ZNF782: variants seen among roughly 807,000 people sequenced by gnomAD.
ZNF782 encodes zinc finger protein 782.
ZNF782 carries 12 observed loss-of-function variants against 13.0 expected under a neutral mutation model. The observed-to-expected ratio is 0.92, with a 90% CI of 0.59 to 1.50. The LOEUF is 1.50. Ranked by LOEUF, ZNF782 falls within the 40% of genes most tolerant of loss-of-function variation. The pLI, the probability that ZNF782 is intolerant of heterozygous loss-of-function variation, is 0.00. For synonymous variants in ZNF782, 284 were observed against 283.0 expected (o/e 1.00, Z -0.04); for missense variants, 770 against 822.9 (o/e 0.94, Z 0.79).
At chr9:96,920,174 G>A in the ZNF782 span, among the ~76,000 whole-genome samples, 1 of 149,984 alleles carries the variant, frequency 6.7e-6, no homozygotes, top group East Asian at 2.3e-4. Flanking sequence ...ACTGGAAAGG[G>A]CACTTGGGGT....
At chr9:96,838,881 A>C (rs1343413488) in intron 4 of ZNF782, among the ~76,000 whole-genome samples, 1 of 151,704 alleles carries the variant, frequency 6.6e-6, no homozygotes, top group Non-Finnish European at 1.5e-5. Context: ...ACGCCTGGCT[A>C]ATTTTTGTAT....
In ZNF782 at chr9:96,850,049, C is replaced by T. The variant is rs190707428; in HGVS notation, c.15+1898G>A. On this transcript the variant is annotated intron_variant, in intron 3 of 5. Transcript: ENST00000481138. The surrounding 1 kb of genome is among the most constrained non-coding windows in gnomAD (Gnocchi z 4.3). ...ATGTGAAGAAAAGGGAATGCTTATACGCTGCTGGTAGGAATGTAAATTAGG... is the reference window on the plus strand; with the variant it reads ...ATGTGAAGAAAAGGGAATGCTTATATGCTGCTGGTAGGAATGTAAATTAGG... Among the ~76,000 whole-genome samples the T allele has an allele frequency of 3.7e-4, 56 of 152,254 alleles. No homozygotes were observed. Among genetic ancestry groups the T allele is most frequent in the African/African-American group, 1.1e-3 (45 of 41,558 alleles).
In ZNF782 at chr9:96,818,194, C is replaced by A. The variant is rs1850241488; in HGVS notation, c.1829G>T (p.Arg610Ile). ...RQKSNLRGHQRTHTGEKPYEC... is the reference protein window; with the variant it reads ...RQKSNLRGHQITHTGEKPYEC... Reference sequence around the variant, plus strand: ...ATAGGGCTTCTCCCCAGTGTGAGTTCTCTGATGCCCTCTGAGATTTGATTT... The same window carrying A: ...ATAGGGCTTCTCCCCAGTGTGAGTTATCTGATGCCCTCTGAGATTTGATTT... Residue 610 changes from arginine to isoleucine, a missense_variant, in exon 6 of 6, where the codon AGA becomes ATA. Transcript: ENST00000481138. 1 of 1,613,990 alleles carries A rather than the reference C, an allele frequency of 6.2e-7. No individual in the cohort carries two copies. The highest frequency in any genetic ancestry group is 8.5e-7 in the Non-Finnish European group (1 of 1,179,998).
the ZNF782 span, chr9:96,910,354 TGAG>T: frequency 1.7e-6 from 1 of 598,226 alleles, no homozygotes; most frequent in Non-Finnish European, 3.2e-6. Context: ...CTGAAGATGA[TGAG>T]GATGATGATG....
chr9:96,917,887 C>CGTGTGTGTGTGTGTGTGTGTGTGT, the ZNF782 span, among the ~76,000 whole-genome samples: 125 of 121,710 alleles, frequency 1.0e-3, 8 homozygotes, highest in African/African-American at 4.4e-3. Flanking sequence ...CCACCCTTGG[C>CGTGTGTGTGTGTGTGTGTGTGTGT]GTGTGTGTGT....
At chr9:96,828,960 G>C (rs1195079505) in intron 4 of ZNF782, among the ~76,000 whole-genome samples, 1 of 151,498 alleles carries the variant, frequency 6.6e-6, no homozygotes, top group African/African-American at 2.4e-5. Context: ...AGAACAAAGA[G>C]AATTAAAGCT....
upstream of ZNF782, among the ~76,000 whole-genome samples, chr9:96,858,761 G>A (rs756284481): frequency 2.0e-5 from 3 of 152,188 alleles, no homozygotes; most frequent in Non-Finnish European, 2.9e-5. This position sits in a 1 kb window ranked among gnomAD's most constrained non-coding sequence, Gnocchi z 4.4. Flanking sequence ...CAGAATGTAT[G>A]CAGCCACAGA....
upstream of ZNF782, among the ~76,000 whole-genome samples, chr9:96,877,741 G>T (rs889376242): frequency 7.9e-5 from 12 of 152,206 alleles, no homozygotes; most frequent in Admixed American, 6.5e-4. Context: ...CGTTCCCGGT[G>T]GATGTGCCTC....
At chr9:96,820,685 G>A (rs1249214898) in intron 5 of ZNF782, among the ~76,000 whole-genome samples, 1 of 152,046 alleles carries the variant, frequency 6.6e-6, no homozygotes, top group African/African-American at 2.4e-5. Flanking sequence ...GAGTAGCTGG[G>A]ATTACAGGCA....
chr9:96,872,851 T>TAGA (rs1851843166), intron 1 of ZNF782, among the ~76,000 whole-genome samples: 1 of 152,152 alleles, frequency 6.6e-6, no homozygotes, highest in Non-Finnish European at 1.5e-5. Context: ...AAAAGCATGT[T>TAGA]AGAATATAAA....
chr9:96,845,798 C>G (rs1851326600), intron 3 of ZNF782, among the ~76,000 whole-genome samples: 1 of 152,128 alleles, frequency 6.6e-6, no homozygotes, highest in East Asian at 1.9e-4. Context: ...CTGAGGAAAA[C>G]TTCACTGACC....
In ZNF782 at chr9:96,818,900, AG is replaced by A. The variant is rs1563991937; in HGVS notation, c.1122del (p.Cys375AlafsTer3). 1 of 1,614,102 alleles carries A rather than the reference AG, an allele frequency of 6.2e-7. No individual in the cohort carries two copies. Among genetic ancestry groups the A allele is most frequent in the African/African-American group, 1.3e-5 (1 of 74,946 alleles). The part of the protein sequence containing the change: ...KPYEYNECGK[S>X]CSMNSHLIWP... The stretch of plus-strand genomic sequence containing the variant: ...CAAATCAAGTGTGAATTCATAGAGC[AG>A]GATTTCCCACATTCATTATACTCAT... On this transcript the variant is annotated frameshift_variant, in exon 6 of 6. Coordinates refer to ENST00000481138, the MANE Select transcript of ZNF782 (RefSeq NM_001001662.3). LOFTEE classifies it low-confidence loss of function (END_TRUNC).
the ZNF782 span, among the ~76,000 whole-genome samples, chr9:96,932,875 C>T: frequency 6.6e-6 from 1 of 151,762 alleles, no homozygotes; most frequent in Non-Finnish European, 1.5e-5. Flanking sequence ...TCTTGAACTC[C>T]CGACCTCAGT....
chr9:96,919,943 G>A, the ZNF782 span, among the ~76,000 whole-genome samples: 1 of 151,506 alleles, frequency 6.6e-6, no homozygotes. Flanking sequence ...CTGAATGTTG[G>A]GGGAAAATAG....
chr9:96,925,628 CAAAAAAA>C, the ZNF782 span, among the ~76,000 whole-genome samples: 9 of 85,594 alleles, frequency 1.1e-4, no homozygotes, highest in Non-Finnish European at 2.0e-4. Flanking sequence ...GACTCTATCT[CAAAAAAA>C]AAAAAAAAAA....
the ZNF782 span, among the ~76,000 whole-genome samples, chr9:96,886,922 GAA>G: frequency 3.2e-3 from 272 of 84,774 alleles, 3 homozygotes; most frequent in African/African-American, 9.6e-3. Flanking sequence ...ACTCCCTCTC[GAA>G]AAAAAAAAAA....
At chr9:96,868,770 T>C (rs1232733809) in intron 1 of ZNF782, among the ~76,000 whole-genome samples, 1 of 152,218 alleles carries the variant, frequency 6.6e-6, no homozygotes, top group African/African-American at 2.4e-5. Context: ...GTGAGTTCTT[T>C]TATGTGTTCT....
intron 1 of ZNF782, 77 bp downstream of exon 1, chr9:96,854,011 C>G (rs537171729): frequency 7.5e-4 from 114 of 152,414 alleles, no homozygotes; most frequent in African/African-American, 2.5e-3. Context: ...AATACCCTCA[C>G]TTTCAGATGA....
intron 1 of ZNF782, among the ~76,000 whole-genome samples, chr9:96,870,772 T>C (rs535891166): frequency 5.3e-5 from 8 of 152,358 alleles, no homozygotes; most frequent in Non-Finnish European, 8.8e-5. Context: ...CATTAAAACA[T>C]AGGACTCTTA....
Sources: allele counts gnomAD v4.1 joint callset (sites outside exome capture counted in the v4.1 genomes callset), GRCh38; gene constraint gnomAD v4.1.1; non-coding constraint Gnocchi (gnomAD v3.1); transcripts MANE v1.5; gene names NCBI Gene and HGNC (gene_info 2026-07-23, HGNC 2026-07-21).